Variants in PDE11A observed in about 807,000 individuals in gnomAD.
The protein encoded by PDE11A is dual 3',5'-cyclic-AMP and -GMP phosphodiesterase 11A.
A neutral mutation model predicts 100.5 loss-of-function variants in PDE11A; 100 were observed. The observed-to-expected ratio is 1.00, with a 90% CI of 0.85 to 1.18. The LOEUF (loss-of-function observed/expected upper bound fraction) is 1.18. Ranked by LOEUF, PDE11A falls within the 50% of genes most tolerant of loss-of-function variation. PDE11A has a pLI of 0.00. For missense variants in PDE11A, 1,141 were observed against 1,152.6 expected, an observed-to-expected ratio of 0.99 and a Z score of 0.15; for synonymous variants, 381 against 420.8, an observed-to-expected ratio of 0.91 and a Z score of 1.16.
chr2:177,702,895 G>A (rs533023844), intron 13 of PDE11A: 14 of 152,208 alleles, frequency 9.2e-5, no homozygotes, highest in Non-Finnish European at 1.5e-4. Flanking sequence ...TATTTAATAA[G>A]TGAAGATTTG....
At chr2:177,993,666 GGGTACTCTTTACT>G (rs2086032006) in intron 2 of PDE11A, among the ~76,000 whole-genome samples, 1 of 151,930 alleles carries the variant, frequency 6.6e-6, no homozygotes, top group Non-Finnish European at 1.5e-5. Context: ...CATCAAATGG[GGGTACTCTTTACT>G]TTGAGCTCCC....
intron 9 of PDE11A, among the ~76,000 whole-genome samples, chr2:177,786,521 G>A (rs2082540137): frequency 6.6e-6 from 1 of 152,152 alleles, no homozygotes; most frequent in African/African-American, 2.4e-5. Context: ...ACCAGCAACG[G>A]AACAAAGCTG....
rs1460622235 is a variant in PDE11A, at chr2:178,072,208, C to T, written c.230G>A (p.Gly77Glu). The T allele has an allele frequency of 1.9e-6, 3 of 1,613,686 alleles. No homozygotes were observed. The African/African-American group carries it at 4.0e-5, about 22-fold the overall frequency. Residue 77 changes from glycine (G) to glutamate (E), a missense_variant, in exon 1 of 20, where the codon GGA (glycine) becomes GAA (glutamate). Gly to Glu is a moderately conservative substitution (Grantham distance 98). Coordinates refer to ENST00000286063, the MANE Select transcript of PDE11A (RefSeq NM_016953.4). ...RGGSSVGGGT[G>E]PNGSAHSQPL... ...CTGGCTGTGGGCAGAGCCATTTGGT[C>T]CAGTGCCACCACCAACGCTGCTGCC...
chr2:177,831,724 C>T (rs977354216), intron 6 of PDE11A, among the ~76,000 whole-genome samples: 1 of 152,142 alleles, frequency 6.6e-6, no homozygotes, highest in African/African-American at 2.4e-5. Flanking sequence ...CCTATCCCAC[C>T]AACACTGATC....
At position 177,817,865 on chromosome 2, in the gene PDE11A, A is replaced by G. The variant is rs1558953314; in HGVS notation, c.1637T>C (p.Leu546Pro). Residue 546 changes from leucine to proline, a missense_variant, in exon 8 of 20, where the codon CTT becomes CCT. Transcript: ENST00000286063. Reference sequence around the variant, plus strand: ...ATAAATTTATTTTCTTACCTCAAAAAGTCGTTGATCTGCATCATCAAAAGG... The same window carrying G: ...ATAAATTTATTTTCTTACCTCAAAAGGTCGTTGATCTGCATCATCAAAAGG... ...GKPFDDADQR[L>P]FEAFVIFCGL... is the part of the protein sequence containing the mutation. 6.7e-7 allele frequency: 1 copy of G among 1,487,240 alleles called. No homozygotes were observed. The highest frequency in any genetic ancestry group is 9.4e-7 in the Non-Finnish European group (1 of 1,066,310). The allele number at this position is 1,487,240 out of a possible 1,614,324, so 92.1% of individuals were successfully genotyped here. A position where few individuals can be genotyped will look rare whatever the true frequency, so the allele number is the denominator to read the frequency against.
chr2:177,910,315 G>C (rs751021770), intron 2 of PDE11A, among the ~76,000 whole-genome samples: 12 of 152,196 alleles, frequency 7.9e-5, no homozygotes, highest in Middle Eastern at 6.8e-3. Flanking sequence ...AAAAGAGGCA[G>C]TAAGAAAAAC....
chr2:178,104,347 C>T (rs1320599515), exon 2 of PDE11A: 1 of 1,613,988 alleles, frequency 6.2e-7, no homozygotes, highest in Non-Finnish European at 8.5e-7. Flanking sequence ...GGTGCTTTTC[C>T]TGTTTTTCAG....
intron 13 of PDE11A, among the ~76,000 whole-genome samples, chr2:177,709,859 G>C (rs1170409317): frequency 1.3e-5 from 2 of 152,162 alleles, no homozygotes; most frequent in African/African-American, 4.8e-5. Flanking sequence ...TTGAGAAAAG[G>C]GGGCCACGGG....
At chr2:178,002,352 T>C (rs2086155646) in intron 2 of PDE11A, among the ~76,000 whole-genome samples, 1 of 152,212 alleles carries the variant, frequency 6.6e-6, no homozygotes, top group Non-Finnish European at 1.5e-5. Flanking sequence ...TGCTTTGCTA[T>C]TGTGAATACT....
rs867633719 is a variant in PDE11A at position 177,947,638 on chromosome 2, G to A, written c.1072-42451C>T. On this transcript the variant is annotated intron_variant, in intron 2 of 19. Transcript: ENST00000286063. The stretch of plus-strand genomic sequence containing the variant: ...AGGGACACAAACACTGCGGAAGGCC[G>A]CAGGGTCCTCTGCCTAGGAAAACCA... Among the ~76,000 whole-genome samples the A allele has an allele frequency of 5.5e-4, 84 of 151,678 alleles. No homozygotes were observed. In the South Asian group the frequency reaches 5.6e-3, roughly 10 times the overall value.
At chr2:177,665,576 C>A (rs916730296) in intron 18 of PDE11A, among the ~76,000 whole-genome samples, 2 of 150,974 alleles carry the variant, frequency 1.3e-5, no homozygotes, top group African/African-American at 4.9e-5. Flanking sequence ...TTATTCTGGG[C>A]TGGGTGTGGT....
intron 2 of PDE11A, among the ~76,000 whole-genome samples, chr2:177,908,001 G>C (rs10221806): frequency 2.0e-5 from 3 of 152,068 alleles, no homozygotes; most frequent in Admixed American, 6.5e-5. Context: ...TTGCTAGCCT[G>C]CATGTACTGT....
intron 4 of PDE11A, among the ~76,000 whole-genome samples, chr2:177,894,688 C>G (rs2084581849): frequency 6.6e-6 from 1 of 152,156 alleles, no homozygotes; most frequent in Non-Finnish European, 1.5e-5. Flanking sequence ...AAATTATAAA[C>G]AAGACCTAAC....
In PDE11A at chr2:177,849,789, C is replaced by CAA. The variant is rs71010822; in HGVS notation, c.1368-9408_1368-9407dup. 9.2e-3 allele frequency among the ~76,000 whole-genome samples: 1,317 copies of CAA among 143,342 alleles called. 20 individuals are homozygous for CAA. The highest frequency in any genetic ancestry group is 0.028 in the African/African-American group (1,091 of 38,898). The allele number at this position is 143,342 out of a possible 152,430, so 94.0% of individuals were successfully genotyped here. A position where few individuals can be genotyped will look rare whatever the true frequency, so the allele number is the denominator to read the frequency against. ...TGGGCGACAGAGCGAGACTCCATCT[C>CAA]AAAAAAAAAACAAAAAAACCTAGGA... On this transcript the variant is annotated intron_variant, in intron 5 of 19. Transcript: ENST00000286063.
chr2:177,663,440 T>C (rs1406636318), intron 19 of PDE11A, among the ~76,000 whole-genome samples: 1 of 132,742 alleles, frequency 7.5e-6, no homozygotes, highest in Non-Finnish European at 1.7e-5. Context: ...AGAAAATTTG[T>C]AAAAAAAAAA....
intron 13 of PDE11A, among the ~76,000 whole-genome samples, chr2:177,701,938 T>C (rs1019473713): frequency 7.9e-5 from 12 of 152,200 alleles, no homozygotes; most frequent in African/African-American, 2.4e-4. Flanking sequence ...ACTCAGTTTC[T>C]TTGTCTCTAA....
intron 10 of PDE11A, among the ~76,000 whole-genome samples, chr2:177,743,673 T>C (rs1030321370): frequency 2.6e-5 from 4 of 152,204 alleles, no homozygotes; most frequent in Non-Finnish European, 4.4e-5. Context: ...CTTGTTGAAT[T>C]CACACCCTTA....
chr2:177,982,359 T>C lies in PDE11A; in HGVS notation c.1071+31943A>G, dbSNP rs539484982. ...TTCATATGTTTTACAAAATGATATA[T>C]ATTTTTGCCCCAAACTGCAACATGC... On this transcript the variant is annotated intron_variant, in intron 2 of 19. Coordinates refer to ENST00000286063, the MANE Select transcript of PDE11A (RefSeq NM_016953.4). Among the ~76,000 whole-genome samples the C allele has an allele frequency of 7.6e-4, 114 of 150,910 alleles. 2 individuals carry two copies. Among genetic ancestry groups the C allele is most frequent in the African/African-American group, 2.3e-3 (95 of 41,460 alleles).
At chr2:178,024,220 C>T (rs1349281993) in intron 1 of PDE11A, among the ~76,000 whole-genome samples, 3 of 151,880 alleles carry the variant, frequency 2.0e-5, no homozygotes, top group Non-Finnish European at 4.4e-5. Flanking sequence ...GAGACCAGCC[C>T]GGCTAACAAG....
Sources: gnomAD v4.1 joint callset for allele counts (sites outside exome capture counted in the v4.1 genomes callset) on GRCh38, gnomAD v4.1.1 for gene constraint, MANE v1.5 for transcripts, NCBI Gene and HGNC (gene_info 2026-07-23, HGNC 2026-07-21) for gene names.